DPF3: variants seen among roughly 807,000 people sequenced by gnomAD.
DPF3 encodes double PHD fingers 3.
Under a neutral mutation model 56.8 loss-of-function variants are expected in DPF3, and 18 were observed. The observed-to-expected ratio is 0.32, with a 90% CI of 0.22 to 0.47. The LOEUF (loss-of-function observed/expected upper bound fraction) is 0.47, where lower values mean the gene tolerates loss of function less well. Among genes scored for constraint, DPF3 ranks in the 20% least tolerant of loss-of-function variants. The pLI is 1.00. For missense variants in DPF3, 403 were observed against 488.8 expected (o/e 0.82, Z 1.65); for synonymous variants, 188 against 180.2 (o/e 1.04, Z -0.35).
intron 8 of DPF3, among the ~76,000 whole-genome samples, chr14:72,647,607 A>G (rs1193337754): frequency 6.6e-6 from 1 of 152,246 alleles, no homozygotes; most frequent in Non-Finnish European, 1.5e-5. Context: ...ATTCAACTGG[A>G]GTAGTAGGAA....
At chr14:72,869,755 A>G (rs1318703534) in intron 1 of DPF3, among the ~76,000 whole-genome samples, 1 of 152,172 alleles carries the variant, frequency 6.6e-6, no homozygotes, top group Non-Finnish European at 1.5e-5. Context: ...AATGTAGCTT[A>G]GTCCCTCACT....
At chr14:72,699,496 T>C (rs1308892533) in intron 6 of DPF3, among the ~76,000 whole-genome samples, 3 of 133,434 alleles carry the variant, frequency 2.2e-5, no homozygotes, top group Non-Finnish European at 4.6e-5. Context: ...CACTCCAGCC[T>C]GGGTGACAGA....
At chr14:72,705,029 C>T (rs757625076) in intron 6 of DPF3, among the ~76,000 whole-genome samples, 9 of 152,294 alleles carry the variant, frequency 5.9e-5, no homozygotes, top group African/African-American at 7.2e-5. Flanking sequence ...TGAATTACCA[C>T]GGACCATGCA....
At chr14:72,676,519 C>T (rs2803981) in intron 7 of DPF3, among the ~76,000 whole-genome samples, 90,194 of 152,134 alleles carry the variant, frequency 0.59, 29,648 homozygotes, top group East Asian at 0.96. Context: ...TTTGGCTGTG[C>T]CCCCACCCAA....
chr14:72,712,913 T>C (rs1888717531), intron 6 of DPF3, among the ~76,000 whole-genome samples: 1 of 152,204 alleles, frequency 6.6e-6, no homozygotes, highest in Non-Finnish European at 1.5e-5. Flanking sequence ...ACGAAGAATA[T>C]AGTAGCAATG....
chr14:72,652,589 G>T (rs926406737), intron 8 of DPF3, among the ~76,000 whole-genome samples: 2 of 152,142 alleles, frequency 1.3e-5, no homozygotes, highest in Non-Finnish European at 2.9e-5. Context: ...CTCAACCTCT[G>T]CTGGGCAAAA....
chr14:72,806,105 C>A (rs1330015697), intron 1 of DPF3: 1 of 152,180 alleles, frequency 6.6e-6, no homozygotes, highest in African/African-American at 2.4e-5. Context: ...TTTAAATCAT[C>A]AAAGGGCCTA....
intron 8 of DPF3, chr14:72,671,446 C>T: frequency 7.0e-7 from 1 of 1,425,168 alleles, no homozygotes; most frequent in Non-Finnish European, 9.9e-7. Context: ...GATATAAAAC[C>T]ATTTGCACAC....
At chr14:72,662,055 TG>T (rs1886239783) in intron 8 of DPF3, 1 of 984,656 alleles carries the variant, frequency 1.0e-6, no homozygotes, top group South Asian at 4.7e-5. Context: ...GCAATGAGGG[TG>T]GGGGAAACTG....
At chr14:72,860,395 G>A (rs568241385) in intron 1 of DPF3, among the ~76,000 whole-genome samples, 3 of 151,924 alleles carry the variant, frequency 2.0e-5, no homozygotes, top group Non-Finnish European at 2.9e-5. Context: ...ATGTTGCCGA[G>A]GCTATGCTTG....
intron 1 of DPF3, among the ~76,000 whole-genome samples, chr14:72,803,829 C>T (rs1190257906): frequency 6.6e-6 from 1 of 152,222 alleles, no homozygotes; most frequent in Non-Finnish European, 1.5e-5. Context: ...GCAAAAGGCT[C>T]TGAACAACTC....
intron 8 of DPF3, among the ~76,000 whole-genome samples, chr14:72,638,528 T>A (rs1374249829): frequency 6.6e-6 from 1 of 151,844 alleles, no homozygotes; most frequent in Non-Finnish European, 1.5e-5. Context: ...GTATAGCTGG[T>A]GGAAAACAGC....
chr14:72,882,878 C>T (rs1362133504), intron 1 of DPF3, among the ~76,000 whole-genome samples: 1 of 152,156 alleles, frequency 6.6e-6, no homozygotes, highest in African/African-American at 2.4e-5. Flanking sequence ...TTTGCTAGCA[C>T]TTACTTTGCC....
chr14:72,628,625 A>G (rs970172164), intron 9 of DPF3, among the ~76,000 whole-genome samples: 9 of 152,032 alleles, frequency 5.9e-5, no homozygotes, highest in African/African-American at 2.2e-4. Context: ...TCTATGAAGT[A>G]GTCTTGCCAA....
chr14:72,859,219 G>C (rs1380442358), intron 1 of DPF3, among the ~76,000 whole-genome samples: 1 of 152,192 alleles, frequency 6.6e-6, no homozygotes, highest in African/African-American at 2.4e-5. Context: ...TGAGTTGCAA[G>C]TTGTGGAAGC....
chr14:72,835,846 C>A (rs1255590435), intron 1 of DPF3, among the ~76,000 whole-genome samples: 1 of 152,200 alleles, frequency 6.6e-6, no homozygotes, highest in African/African-American at 2.4e-5. Flanking sequence ...ATAGTTACCC[C>A]ACAAGGACAG....
intron 5 of DPF3, among the ~76,000 whole-genome samples, chr14:72,721,322 G>A (rs1889164041): frequency 1.3e-5 from 2 of 152,196 alleles, no homozygotes; most frequent in African/African-American, 4.8e-5. Flanking sequence ...TCTTCTAAAT[G>A]TAGGTTGGGG....
intron 8 of DPF3, among the ~76,000 whole-genome samples, chr14:72,647,214 G>T (rs1238863610): frequency 6.6e-6 from 1 of 152,186 alleles, no homozygotes; most frequent in African/African-American, 2.4e-5. Flanking sequence ...AAAGGCCAAG[G>T]TTTACCACTC....
intron 8 of DPF3, among the ~76,000 whole-genome samples, chr14:72,666,486 GATT>G (rs755101719): frequency 2.0e-5 from 3 of 152,250 alleles, no homozygotes; most frequent in East Asian, 3.9e-4. Context: ...ACTTAGGAAA[GATT>G]ATTAGAAGAT....
Sources: gnomAD v4.1 joint callset for allele counts (sites outside exome capture counted in the v4.1 genomes callset) on GRCh38, gnomAD v4.1.1 for gene constraint, MANE v1.5 for transcripts, NCBI Gene and HGNC (gene_info 2026-07-23, HGNC 2026-07-21) for gene names.